Variants in ITFG1 observed in about 807,000 individuals in gnomAD.
ITFG1 encodes the protein T-cell immunomodulatory protein.
ITFG1 carries 34 observed loss-of-function variants against 81.8 expected under a neutral mutation model. That is an observed-to-expected ratio of 0.42 (90% CI 0.32 to 0.55). The LOEUF (loss-of-function observed/expected upper bound fraction) is 0.55. Among genes scored for constraint, ITFG1 ranks in the 20% least tolerant of loss-of-function variants. The probability of loss-of-function intolerance (pLI) is 0.17; values close to 1 mark genes in which losing one functional copy is unlikely to be tolerated. For synonymous variants in ITFG1, 285 were observed against 270.6 expected (o/e 1.05, Z -0.52); for missense variants, 672 against 755.4 (o/e 0.89, Z 1.29).
intron 8 of ITFG1, among the ~76,000 whole-genome samples, chr16:47,358,682 T>TA (rs1376352026): frequency 1.3e-5 from 2 of 152,238 alleles, no homozygotes; most frequent in Non-Finnish European, 2.9e-5. Context: ...ACTTAATTCT[T>TA]AAAAACCATT....
rs1002893091 is a variant in ITFG1, at chr16:47,155,192, T to C, written c.*527A>G. 2 of 152,238 alleles carry C rather than the reference T, an allele frequency of 1.3e-5. No individual in the cohort carries two copies. Among genetic ancestry groups the C allele is most frequent in the South Asian group, 2.1e-4 (1 of 4,826 alleles). 9.4% of individuals were successfully genotyped at this position (152,238 alleles called of 1,614,324 possible). A position where few individuals can be genotyped will look rare whatever the true frequency, so the allele number is the denominator to read the frequency against. On this transcript the variant is annotated 3_prime_UTR_variant, in exon 18 of 18. Transcript: ENST00000320640. ...TTTGTAAGTGGTTGAATTAGGAGTTTAAGGCAAGTCTGTCTTACTGTGCTA... is the reference window on the plus strand; with the variant it reads ...TTTGTAAGTGGTTGAATTAGGAGTTCAAGGCAAGTCTGTCTTACTGTGCTA...
At chr16:47,302,778 C>T (rs1356094856) in intron 10 of ITFG1, among the ~76,000 whole-genome samples, 1 of 152,148 alleles carries the variant, frequency 6.6e-6, no homozygotes, top group Non-Finnish European at 1.5e-5. Flanking sequence ...GACACTAAGC[C>T]AGGCCTTTAA....
At chr16:47,285,273 A>G (rs187000061) in intron 10 of ITFG1, among the ~76,000 whole-genome samples, 32 of 152,360 alleles carry the variant, frequency 2.1e-4, no homozygotes, top group African/African-American at 7.5e-4. Context: ...GAAAGGGTTC[A>G]GTAAACATCC....
At chr16:47,371,516 G>T (rs1476313618) in intron 7 of ITFG1, among the ~76,000 whole-genome samples, 1 of 152,166 alleles carries the variant, frequency 6.6e-6, no homozygotes, top group African/African-American at 2.4e-5. Flanking sequence ...TCATGTGGTA[G>T]CAAGTAGCCT....
intron 13 of ITFG1, among the ~76,000 whole-genome samples, chr16:47,223,090 T>C (rs1459819742): frequency 1.3e-5 from 2 of 151,396 alleles, no homozygotes; most frequent in Non-Finnish European, 2.9e-5. Context: ...CAATTCAAGA[T>C]GGATTAAAGA....
chr16:47,259,533 G>A (rs1390639798), intron 11 of ITFG1, among the ~76,000 whole-genome samples: 1 of 152,084 alleles, frequency 6.6e-6, no homozygotes, highest in East Asian at 1.9e-4. Context: ...CAGGAGAAAC[G>A]GGAAAACAAG....
At chr16:47,245,843 T>G (rs1965995930) in intron 12 of ITFG1, among the ~76,000 whole-genome samples, 1 of 151,966 alleles carries the variant, frequency 6.6e-6, no homozygotes, top group Admixed American at 6.6e-5. Flanking sequence ...TTTTTTTTTT[T>G]TAAATGAAGA....
At chr16:47,173,323 A>G (rs1172012498) in intron 14 of ITFG1, among the ~76,000 whole-genome samples, 1 of 152,148 alleles carries the variant, frequency 6.6e-6, no homozygotes, top group Non-Finnish European at 1.5e-5. Context: ...ACTAGAATGC[A>G]ATCTCTATGA....
chr16:47,195,381 A>G (rs182047354), intron 14 of ITFG1, among the ~76,000 whole-genome samples: 60 of 152,322 alleles, frequency 3.9e-4, no homozygotes, highest in Admixed American at 1.1e-3. Context: ...GTTGAAGTAA[A>G]TAACAGTACT....
At chr16:47,454,982 G>A (rs1452131842) in intron 2 of ITFG1, among the ~76,000 whole-genome samples, 2 of 152,104 alleles carry the variant, frequency 1.3e-5, no homozygotes, top group Non-Finnish European at 2.9e-5. Flanking sequence ...CTCTCACTCA[G>A]CAAGGTAAGA....
At chr16:47,293,626 C>T (rs1372961019) in intron 10 of ITFG1, among the ~76,000 whole-genome samples, 2 of 151,860 alleles carry the variant, frequency 1.3e-5, no homozygotes, top group East Asian at 3.9e-4. Flanking sequence ...TTTTTATGTG[C>T]TTCTTGGCCA....
At chr16:47,320,548 G>A (rs1455453201) in intron 8 of ITFG1, among the ~76,000 whole-genome samples, 1 of 152,120 alleles carries the variant, frequency 6.6e-6, no homozygotes, top group Non-Finnish European at 1.5e-5. Context: ...ATTACTGAAT[G>A]ATATATACTT....
rs538662545 is a variant in ITFG1 at position 47,329,486 on chromosome 16, C to T, written c.803-15663G>A. On this transcript the variant is annotated intron_variant, in intron 8 of 17. Coordinates refer to ENST00000320640, the MANE Select transcript of ITFG1 (RefSeq NM_030790.5). Reference sequence around the variant, plus strand: ...GAGGTCAAATCTCAGCTATCACTTGCTAGCAGTGTTGCCTTGGGAAAGTTA... The same window carrying T: ...GAGGTCAAATCTCAGCTATCACTTGTTAGCAGTGTTGCCTTGGGAAAGTTA... Among the ~76,000 whole-genome samples the T allele has an allele frequency of 1.6e-4, 25 of 152,190 alleles. No individual in the cohort carries two copies. The South Asian group carries it at 4.8e-3, about 29-fold the overall frequency.
At chr16:47,242,316 G>C (rs1339404928) in intron 12 of ITFG1, among the ~76,000 whole-genome samples, 1 of 149,088 alleles carries the variant, frequency 6.7e-6, no homozygotes, top group African/African-American at 2.5e-5. Context: ...ATATCTGGAA[G>C]AGAAAATGCA....
At chr16:47,285,517 A>AACCT (rs1966866455) in intron 10 of ITFG1, among the ~76,000 whole-genome samples, 1 of 152,232 alleles carries the variant, frequency 6.6e-6, no homozygotes, top group Non-Finnish European at 1.5e-5. Context: ...CAGAAATTTC[A>AACCT]GAGGCCTGGG....
rs374767113 is a variant in ITFG1, at chr16:47,378,782, TTAAATA to T, written c.656-2848_656-2843del. Among the ~76,000 whole-genome samples the T allele has an allele frequency of 1.6e-3, 250 of 152,118 alleles. 1 individual carries two copies. The highest frequency in any genetic ancestry group is 5.6e-3 in the African/African-American group (232 of 41,514). ...AATAGAGAAAATTAATTATTAGTAA[TTAAATA>T]TAAAGAATCATGCCTCAGACTTTGA... On this transcript the variant is annotated intron_variant, in intron 6 of 17. Coordinates refer to ENST00000320640, the MANE Select transcript of ITFG1 (RefSeq NM_030790.5).
At chr16:47,446,860 G>T (rs1969330733) in intron 5 of ITFG1, among the ~76,000 whole-genome samples, 1 of 150,852 alleles carries the variant, frequency 6.6e-6, no homozygotes, top group African/African-American at 2.4e-5. Context: ...AACTATACTG[G>T]TTTTTTCTTT....
At chr16:47,162,490 G>T in intron 15 of ITFG1, 50 bp downstream of exon 15, 5 of 1,367,178 alleles carry the variant, frequency 3.7e-6, no homozygotes, top group South Asian at 1.3e-5. Flanking sequence ...TACTTAAATA[G>T]TGAATATTAA....
At chr16:47,416,086 CTG>C (rs755876471) in intron 6 of ITFG1, among the ~76,000 whole-genome samples, 1 of 152,060 alleles carries the variant, frequency 6.6e-6, no homozygotes, top group African/African-American at 2.4e-5. Context: ...AAGAGCGAAA[CTG>C]TGTCTCAAAA....
Sources: allele counts gnomAD v4.1 joint callset (sites outside exome capture counted in the v4.1 genomes callset), GRCh38; gene constraint gnomAD v4.1.1; transcripts MANE v1.5; gene names NCBI Gene and HGNC (gene_info 2026-07-23, HGNC 2026-07-21).